The following STX8 variants were observed in gnomAD, a reference collection of about 807,000 sequenced individuals.
STX8 encodes the protein syntaxin-8.
Under a neutral mutation model 37.5 loss-of-function variants are expected in STX8, and 23 were observed. The observed-to-expected ratio is 0.61, with a 90% confidence interval of 0.44 to 0.87. The LOEUF (loss-of-function observed/expected upper bound fraction) is 0.87, where lower values mean the gene tolerates loss of function less well. Among genes scored for constraint, STX8 ranks in the 40% least tolerant of loss-of-function variants. STX8 has a pLI of 0.00. For synonymous variants in STX8, 115 were observed against 99.1 expected (o/e 1.16, Z -0.95); for missense variants, 313 against 284.7 (o/e 1.10, Z -0.71).
chr17:9,262,835 A>C (rs1337276793), intron 7 of STX8, among the ~76,000 whole-genome samples: 1 of 152,012 alleles, frequency 6.6e-6, no homozygotes, highest in Non-Finnish European at 1.5e-5. Context: ...CTGCCTCCCA[A>C]AGTGGTAGGA....
intron 6 of STX8, among the ~76,000 whole-genome samples, chr17:9,386,963 G>A (rs561262915): frequency 3.3e-5 from 5 of 151,944 alleles, no homozygotes; most frequent in South Asian, 4.2e-4. Flanking sequence ...TCCACCTCCC[G>A]GGTTCAAACA....
intron 7 of STX8, among the ~76,000 whole-genome samples, chr17:9,374,387 A>T (rs1186366197): frequency 6.6e-6 from 1 of 152,120 alleles, no homozygotes; most frequent in Non-Finnish European, 1.5e-5. Flanking sequence ...CAGCCAAAAG[A>T]AATTTTTTTA....
intron 7 of STX8, among the ~76,000 whole-genome samples, chr17:9,274,505 T>C (rs1907587487): frequency 6.6e-6 from 1 of 151,284 alleles, no homozygotes; most frequent in Non-Finnish European, 1.5e-5. Flanking sequence ...TGAGACCCTG[T>C]CTCTACTAAA....
At chr17:9,329,607 A>C (rs1909895733) in intron 7 of STX8, among the ~76,000 whole-genome samples, 1 of 152,252 alleles carries the variant, frequency 6.6e-6, no homozygotes, top group African/African-American at 2.4e-5. Context: ...GCATGTGAGC[A>C]GAGGCAGAAA....
chr17:9,433,733 G>T (rs6503203), intron 6 of STX8, among the ~76,000 whole-genome samples: 41,192 of 151,724 alleles, frequency 0.27, 5,854 homozygotes, highest in African/African-American at 0.34. Context: ...GAATCCAAAA[G>T]AGTGAAAACT....
At chr17:9,472,299 A>G (rs1905904341) in intron 6 of STX8, among the ~76,000 whole-genome samples, 1 of 152,166 alleles carries the variant, frequency 6.6e-6, no homozygotes. Context: ...ACCTTTTGCC[A>G]CTTTATCCAC....
intron 7 of STX8, among the ~76,000 whole-genome samples, chr17:9,358,522 T>A (rs1910954994): frequency 6.6e-6 from 1 of 152,236 alleles, no homozygotes; most frequent in Non-Finnish European, 1.5e-5. Flanking sequence ...TATCATAAAG[T>A]TATTACACAG....
chr17:9,535,370 T>G (rs547612585), intron 4 of STX8, among the ~76,000 whole-genome samples: 2 of 151,152 alleles, frequency 1.3e-5, no homozygotes, highest in Non-Finnish European at 2.9e-5. Context: ...GAAAATAACT[T>G]GTGAAATGCT....
intron 7 of STX8, among the ~76,000 whole-genome samples, chr17:9,372,328 G>A (rs1390247723): frequency 6.6e-6 from 1 of 151,542 alleles, no homozygotes; most frequent in African/African-American, 2.4e-5. Flanking sequence ...TAGCTCTTTG[G>A]GGTCCCAGTT....
intron 4 of STX8, among the ~76,000 whole-genome samples, chr17:9,536,926 T>C (rs1406623866): frequency 6.6e-6 from 1 of 152,018 alleles, no homozygotes; most frequent in Non-Finnish European, 1.5e-5. Context: ...TTTATTATTT[T>C]TAGTAGAGAC....
At chr17:9,400,074 G>A (rs1286335425) in intron 6 of STX8, among the ~76,000 whole-genome samples, 3 of 137,732 alleles carry the variant, frequency 2.2e-5, no homozygotes, top group Non-Finnish European at 3.1e-5. Context: ...CATAGGCAGT[G>A]GAATTATTTA....
intron 3 of STX8, among the ~76,000 whole-genome samples, chr17:9,546,466 CG>C (rs1218215555): frequency 3.4e-5 from 3 of 87,584 alleles, no homozygotes; most frequent in Non-Finnish European, 6.5e-5. Flanking sequence ...AATAGGTGGA[CG>C]AGAATGCGGC....
chr17:9,403,392 A>G (rs1239017768), intron 6 of STX8, among the ~76,000 whole-genome samples: 1 of 152,190 alleles, frequency 6.6e-6, no homozygotes, highest in East Asian at 1.9e-4. Context: ...TAATCATAGA[A>G]CAATAAACAC....
At chr17:9,336,438 T>C (rs1223357459) in intron 7 of STX8, among the ~76,000 whole-genome samples, 2 of 151,682 alleles carry the variant, frequency 1.3e-5, no homozygotes, top group African/African-American at 4.8e-5. Flanking sequence ...TCCCCTTCCT[T>C]CCTTCTTTCT....
At chr17:9,405,905 T>C (rs964042440) in intron 6 of STX8, among the ~76,000 whole-genome samples, 1 of 152,212 alleles carries the variant, frequency 6.6e-6, no homozygotes, top group African/African-American at 2.4e-5. Context: ...TCCTTCACTT[T>C]CCTTTTGCTT....
intron 6 of STX8, among the ~76,000 whole-genome samples, chr17:9,454,304 T>C (rs1312397690): frequency 6.6e-6 from 1 of 152,126 alleles, no homozygotes; most frequent in Non-Finnish European, 1.5e-5. Flanking sequence ...GACACAGGGA[T>C]GATTCGTGTC....
chr17:9,476,440 T>C (rs1171762562), intron 6 of STX8, among the ~76,000 whole-genome samples: 1 of 151,946 alleles, frequency 6.6e-6, no homozygotes, highest in Non-Finnish European at 1.5e-5. Context: ...GGAAGTTGTT[T>C]CTTCTTTTCT....
rs145802729 is a variant in STX8 at position 9,309,985 on chromosome 17, A to ATAGTCAAGTTGACTCTTAT, written c.644-59359_644-59341dup. The stretch of plus-strand genomic sequence containing the variant: ...TATTTCCTATAGCAAATATTTGTCA[A>ATAGTCAAGTTGACTCTTAT]TAGTCAAGTTGACTCTTATTAGTCA... On this transcript the variant is annotated intron_variant, in intron 7 of 7. Coordinates refer to ENST00000306357, the MANE Select transcript of STX8 (RefSeq NM_004853.3). Among the ~76,000 whole-genome samples, 20 of 151,904 alleles carry ATAGTCAAGTTGACTCTTAT rather than the reference A, an allele frequency of 1.3e-4. No homozygotes were observed. In the South Asian group the frequency reaches 2.1e-3, roughly 16 times the overall value.
chr17:9,567,381 A>T (rs1451423814), intron 2 of STX8, among the ~76,000 whole-genome samples: 1 of 152,206 alleles, frequency 6.6e-6, no homozygotes, highest in African/African-American at 2.4e-5. Context: ...AAAGACTCAA[A>T]TTTTGAACTC....
Sources: gnomAD v4.1 joint callset for allele counts (sites outside exome capture counted in the v4.1 genomes callset) on GRCh38, gnomAD v4.1.1 for gene constraint, MANE v1.5 for transcripts, NCBI Gene and HGNC (gene_info 2026-07-23, HGNC 2026-07-21) for gene names.